RPS6KA5: variants seen among roughly 807,000 people sequenced by gnomAD.
RPS6KA5 encodes the protein ribosomal protein S6 kinase alpha-5.
Under a neutral mutation model 85.5 loss-of-function variants are expected in RPS6KA5, and 27 were observed. That is an observed-to-expected ratio of 0.32 (90% CI 0.23 to 0.44). RPS6KA5 has a LOEUF of 0.44. Ranked by LOEUF, RPS6KA5 falls within the 20% of genes least tolerant of loss-of-function variation. The pLI, the probability that RPS6KA5 is intolerant of heterozygous loss-of-function variation, is 1.00. For missense variants in RPS6KA5, 811 were observed against 980.9 expected (o/e 0.83, Z 2.31); for synonymous variants, 334 against 348.2 (o/e 0.96, Z 0.46).
chr14:91,020,533 A>AGTGTGT (rs1566872606), intron 1 of RPS6KA5, among the ~76,000 whole-genome samples: 5 of 77,486 alleles, frequency 6.5e-5, no homozygotes, highest in African/African-American at 3.0e-4. Context: ...CTAAGGAATG[A>AGTGTGT]CTGTGTGTGT....
intron 1 of RPS6KA5, among the ~76,000 whole-genome samples, chr14:91,054,399 G>A (rs1346936843): frequency 6.6e-6 from 1 of 152,168 alleles, no homozygotes; most frequent in Non-Finnish European, 1.5e-5. Context: ...CACTTTGGGA[G>A]GCTGAGGCAG....
At chr14:90,882,849 C>A (rs2033940772) in intron 14 of RPS6KA5, among the ~76,000 whole-genome samples, 1 of 151,810 alleles carries the variant, frequency 6.6e-6, no homozygotes, top group African/African-American at 2.4e-5. Context: ...ACTCTGTCAC[C>A]CACTCTGTCA....
At chr14:90,929,028 A>G (rs569176597) in intron 5 of RPS6KA5, among the ~76,000 whole-genome samples, 56 of 152,244 alleles carry the variant, frequency 3.7e-4, no homozygotes, top group Non-Finnish European at 7.7e-4. Flanking sequence ...AAGATGGTCT[A>G]ACACTGAAAA....
In RPS6KA5 at chr14:90,868,135, C is replaced by G. The variant is rs569370780; in HGVS notation, c.*3939G>C. 6.6e-6 allele frequency: 1 copy of G among 152,248 alleles called. No homozygotes were observed. The highest frequency in any genetic ancestry group is 1.5e-5 in the Non-Finnish European group (1 of 68,004). The allele number at this position is 152,248 out of a possible 1,614,324, so 9.4% of individuals were successfully genotyped here. A position where few individuals can be genotyped will look rare whatever the true frequency, so the allele number is the denominator to read the frequency against. On this transcript the variant is annotated 3_prime_UTR_variant, in exon 17 of 17. Coordinates refer to ENST00000614987, the MANE Select transcript of RPS6KA5 (RefSeq NM_004755.4). ...CACAATTTGGAGTGAAGTTACTTAA[C>G]AAAACAGGGAATAAAACCTTTAATG...
intron 2 of RPS6KA5, among the ~76,000 whole-genome samples, chr14:90,988,014 C>G (rs1041358271): frequency 2.6e-5 from 4 of 152,172 alleles, no homozygotes; most frequent in Non-Finnish European, 4.4e-5. Flanking sequence ...GCACCCAGAA[C>G]AGTGTCTGCC....
intron 3 of RPS6KA5, among the ~76,000 whole-genome samples, chr14:90,976,305 C>T (rs1022966765): frequency 7.9e-5 from 12 of 151,402 alleles, no homozygotes; most frequent in South Asian, 2.1e-4. Flanking sequence ...GCTTCTGACT[C>T]GGACAACCTT....
intron 12 of RPS6KA5, 111 bp from the exon 13 acceptor site, chr14:90,894,694 TAAAA>T: frequency 8.2e-7 from 1 of 1,223,546 alleles, no homozygotes; most frequent in East Asian, 2.6e-5. Flanking sequence ...AATCCCCTGT[TAAAA>T]TAATCAATGG....
chr14:91,046,222 A>G (rs1355813157), intron 1 of RPS6KA5, among the ~76,000 whole-genome samples: 2 of 152,180 alleles, frequency 1.3e-5, no homozygotes, highest in African/African-American at 4.8e-5. Context: ...GCTCCCTACT[A>G]AAACCCAGCA....
chr14:90,933,808 C>T (rs1383242879), intron 5 of RPS6KA5, among the ~76,000 whole-genome samples: 3 of 152,190 alleles, frequency 2.0e-5, no homozygotes, highest in African/African-American at 7.2e-5. Flanking sequence ...TTTCCTACTA[C>T]TGTAACTCTC....
intron 3 of RPS6KA5, among the ~76,000 whole-genome samples, chr14:90,947,954 G>A (rs1031902698): frequency 6.6e-6 from 1 of 152,148 alleles, no homozygotes; most frequent in African/African-American, 2.4e-5. Flanking sequence ...CCTTTCATTT[G>A]TAATAATTGC....
chr14:91,007,559 G>A (rs1226053738), intron 1 of RPS6KA5, among the ~76,000 whole-genome samples: 1 of 152,126 alleles, frequency 6.6e-6, no homozygotes, highest in Admixed American at 6.5e-5. Flanking sequence ...GGAAAAAGAG[G>A]TGTAAATAGT....
At position 90,849,576 on chromosome 14, in the gene RPS6KA5, A is replaced by C. The variant is rs2031886078; in HGVS notation, c.*22498T>G. 6.6e-6 allele frequency: 1 copy of C among 152,428 alleles called. No homozygotes were observed. Among genetic ancestry groups the C allele is most frequent in the Admixed American group, 6.5e-5 (1 of 15,278 alleles). 9.4% of individuals were successfully genotyped at this position (152,428 alleles called of 1,614,324 possible). On this transcript the variant is annotated 3_prime_UTR_variant, in exon 17 of 17. Coordinates refer to ENST00000614987, the MANE Select transcript of RPS6KA5 (RefSeq NM_004755.4). ...CAGTACGGTGACCTGGACTGCAGCA[A>C]GATCGGGCACAGCTTCCCTTAGGTG... is the stretch of plus-strand genomic sequence containing the variant.
rs1180374838 is a variant in RPS6KA5, at chr14:90,849,001, C to G, written c.*23073G>C. On this transcript the variant is annotated 3_prime_UTR_variant, in exon 17 of 17. Transcript: ENST00000614987. ...ACAAAAGAAAAGAGTCCACCGCACT[C>G]CAGCCTGGGCAACAGAGCAAGGCCG... 3 of 152,118 alleles carry G rather than the reference C, an allele frequency of 2.0e-5. No individual in the cohort carries two copies. The East Asian group carries it at 5.8e-4, about 29-fold the overall frequency. 9.4% of individuals were successfully genotyped at this position (152,118 alleles called of 1,614,324 possible). A position where few individuals can be genotyped will look rare whatever the true frequency, so the allele number is the denominator to read the frequency against.
In RPS6KA5 at chr14:90,918,377, GTTGT is replaced by G. The variant is rs1255111314; in HGVS notation, c.806+1825_806+1828del. ...AATTTTTTGCCCATTTTTAAATGCA[GTTGT>G]TTGTTTTCTTGAGTTTTAAGAATTC... is the stretch of plus-strand genomic sequence containing the variant. On this transcript the variant is annotated intron_variant, in intron 7 of 16. Coordinates refer to ENST00000614987, the MANE Select transcript of RPS6KA5 (RefSeq NM_004755.4). 3.9e-5 allele frequency among the ~76,000 whole-genome samples: 6 copies of G among 152,308 alleles called. No homozygotes were observed. In the East Asian group the frequency reaches 7.7e-4, roughly 20 times the overall value.
intron 5 of RPS6KA5, among the ~76,000 whole-genome samples, chr14:90,927,035 G>T (rs2036712693): frequency 6.6e-6 from 1 of 152,084 alleles, no homozygotes; most frequent in South Asian, 2.1e-4. Flanking sequence ...ATAAAAATTA[G>T]ATAAATAACT....
Position 90,861,612 on chromosome 14 carries a change from A to G in RPS6KA5, c.*10462T>C, listed in dbSNP as rs1290151579. On this transcript the variant is annotated 3_prime_UTR_variant, in exon 17 of 17. Coordinates refer to ENST00000614987, the MANE Select transcript of RPS6KA5 (RefSeq NM_004755.4). ...TGTAGAAGTAAAATACATGACAACA[A>G]TAACATAAAAGGAAGAAGGGGGAAT... The G allele has an allele frequency of 2.0e-5, 3 of 151,726 alleles. No homozygotes were observed. Among genetic ancestry groups the G allele is most frequent in the African/African-American group, 7.3e-5 (3 of 41,328 alleles). 9.4% of individuals were successfully genotyped at this position (151,726 alleles called of 1,614,324 possible).
At chr14:90,892,744 G>A (rs2034635318) in intron 13 of RPS6KA5, among the ~76,000 whole-genome samples, 1 of 152,044 alleles carries the variant, frequency 6.6e-6, no homozygotes, top group African/African-American at 2.4e-5. Context: ...GTGCCACATG[G>A]GAAAATATTA....
Position 90,857,907 on chromosome 14 carries a change from A to G in RPS6KA5, c.*14167T>C, listed in dbSNP as rs2032363352. The stretch of plus-strand genomic sequence containing the variant: ...TACCTGGCCTGAAAGAAGTGCTCAA[A>G]AACTATTTAATGGACAAAGGAACAA... On this transcript the variant is annotated 3_prime_UTR_variant, in exon 17 of 17. Coordinates refer to ENST00000614987, the MANE Select transcript of RPS6KA5 (RefSeq NM_004755.4). 6.6e-6 allele frequency: 1 copy of G among 152,206 alleles called. No homozygotes were observed. 9.4% of individuals were successfully genotyped at this position (152,206 alleles called of 1,614,324 possible). A position where few individuals can be genotyped will look rare whatever the true frequency, so the allele number is the denominator to read the frequency against.
intron 1 of RPS6KA5, among the ~76,000 whole-genome samples, chr14:91,019,689 C>T (rs761746258): frequency 1.3e-5 from 2 of 152,106 alleles, no homozygotes; most frequent in East Asian, 1.9e-4. Context: ...ACAGTAGAAA[C>T]GGTACTTCTC....
Sources: allele counts gnomAD v4.1 joint callset (sites outside exome capture counted in the v4.1 genomes callset), GRCh38; gene constraint gnomAD v4.1.1; transcripts MANE v1.5; gene names NCBI Gene and HGNC (gene_info 2026-07-23, HGNC 2026-07-21).